KDM4A: variants seen among roughly 807,000 people sequenced by gnomAD.
The protein encoded by KDM4A is lysine demethylase 4A.
Under a neutral mutation model 127.1 loss-of-function variants are expected in KDM4A, and 23 were observed. The ratio of observed to expected loss-of-function variants is 0.18; its 90% CI spans 0.13 to 0.26. The LOEUF is 0.26. Ranked by LOEUF, KDM4A falls within the 10% of genes least tolerant of loss-of-function variation. KDM4A has a pLI of 1.00. For synonymous variants in KDM4A, 443 were observed against 466.5 expected, an observed-to-expected ratio of 0.95 and a Z score of 0.65; for missense variants, 890 against 1,329.1, an observed-to-expected ratio of 0.67 and a Z score of 5.14.
Position 43,693,904 on chromosome 1 carries a change from G to A in KDM4A, c.2376-90G>A, listed in dbSNP as rs554011616. 1.2e-5 allele frequency: 12 copies of A among 997,434 alleles called. No homozygotes were observed. The African/African-American group carries it at 1.6e-4, about 13-fold the overall frequency. The allele number at this position is 997,434 out of a possible 1,614,324, so 61.8% of individuals were successfully genotyped here. A position where few individuals can be genotyped will look rare whatever the true frequency, so the allele number is the denominator to read the frequency against. ...GGTGGAAGTCAGTGGTCACCCAGGT[G>A]AGGGAGGAAGCGCTGTCAGCAGGCC... On this transcript the variant is annotated intron_variant, in intron 16 of 21. Coordinates refer to ENST00000372396, the MANE Select transcript of KDM4A (RefSeq NM_014663.3). The surrounding 1 kb of genome is among the most constrained non-coding windows in gnomAD (Gnocchi z 4.2).
intron 5 of KDM4A, among the ~76,000 whole-genome samples, chr1:43,663,511 G>T (rs1213313786): frequency 6.6e-6 from 1 of 152,304 alleles, no homozygotes; most frequent in Non-Finnish European, 1.5e-5. Flanking sequence ...ACACATAAGG[G>T]ATTGCGAGGC....
chr1:43,703,645 C>T lies in KDM4A; in HGVS notation c.2870C>T (p.Pro957Leu). 1 of 1,614,094 alleles carries T rather than the reference C, an allele frequency of 6.2e-7. No homozygotes were observed. Among genetic ancestry groups the T allele is most frequent in the Non-Finnish European group, 8.5e-7 (1 of 1,179,986 alleles). The change falls in exon 20 of 22, where the codon CCT (proline) becomes CTT (leucine). Residue 957 changes from proline to leucine, a missense_variant. Physicochemically the swap from Pro to Leu is moderately conservative, Grantham distance 98. Coordinates refer to ENST00000372396, the MANE Select transcript of KDM4A (RefSeq NM_014663.3). ...VSQDCLQFGP[P>L]AEGEVVQVRW... The stretch of plus-strand genomic sequence containing the variant: ...CAGGACTGTCTCCAGTTTGGTCCTC[C>T]TGCTGAAGGGGAAGTGGTCCAAGTG...
chr1:43,665,544 A>G, intron 5 of KDM4A, 152 bp from the exon 6 acceptor site: 1 of 633,072 alleles, frequency 1.6e-6, no homozygotes, highest in Non-Finnish European at 2.9e-6. Flanking sequence ...GTGCCCAAAC[A>G]GTCTAATATT....
chr1:43,683,589 T>C, intron 11 of KDM4A, 95 bp from the exon 12 acceptor site: 1 of 1,407,360 alleles, frequency 7.1e-7, no homozygotes, highest in Non-Finnish European at 9.7e-7. Flanking sequence ...TGTTTCTCTG[T>C]GCCCCTCTCT....
At chr1:43,692,703 A>ACTC (rs776536985) in intron 16 of KDM4A, among the ~76,000 whole-genome samples, 12 of 152,222 alleles carry the variant, frequency 7.9e-5, no homozygotes, top group Non-Finnish European at 1.6e-4. Context: ...CACATGGCAA[A>ACTC]CTCCCTGGCT....
At position 43,694,159 on chromosome 1, in the gene KDM4A, G is replaced by C. The variant is rs1661186298; in HGVS notation, c.2484+57G>C. The C allele has an allele frequency of 5.1e-6, 7 of 1,380,762 alleles. 1 individual carries two copies. Among genetic ancestry groups the C allele is most frequent in the Middle Eastern group, 3.6e-4 (2 of 5,598 alleles). 85.5% of individuals were successfully genotyped at this position (1,380,762 alleles called of 1,614,324 possible). On this transcript the variant is annotated intron_variant, in intron 17 of 21. Transcript: ENST00000372396. This position sits in a 1 kb window ranked among gnomAD's most constrained non-coding sequence, Gnocchi z 5.2. ...GACTTACAAGTTTCTGGGTAGAAGA[G>C]AACAGGGACCTCCTGTACCCCTTGG... is the stretch of plus-strand genomic sequence containing the variant.
At chr1:43,700,378 C>T (rs566218759) in intron 19 of KDM4A, among the ~76,000 whole-genome samples, 12 of 152,120 alleles carry the variant, frequency 7.9e-5, no homozygotes, top group Admixed American at 4.6e-4. Flanking sequence ...CCGCCTACCT[C>T]GGCCTCCCAA....
Position 43,672,202 on chromosome 1 carries a change from T to C in KDM4A, c.1734+327T>C, listed in dbSNP as rs1047000255. On this transcript the variant is annotated intron_variant, in intron 11 of 21. Transcript: ENST00000372396. Reference sequence around the variant, plus strand: ...TTGGATCACAATGCCTTTTTTTTTTTTCTTGAGATAGAGTCTCTGCTCTGT... The same window carrying C: ...TTGGATCACAATGCCTTTTTTTTTTCTCTTGAGATAGAGTCTCTGCTCTGT... Among the ~76,000 whole-genome samples, 2 of 152,206 alleles carry C rather than the reference T, an allele frequency of 1.3e-5. 1 individual carries two copies. The highest frequency in any genetic ancestry group is 4.8e-5 in the African/African-American group (2 of 41,462).
At chr1:43,657,739 C>A (rs1482629914) in intron 3 of KDM4A, among the ~76,000 whole-genome samples, 1 of 145,574 alleles carries the variant, frequency 6.9e-6, no homozygotes, top group Non-Finnish European at 1.5e-5. Context: ...TTTGTTAAGG[C>A]TTTTTCTTTT....
rs747045651 is a variant in KDM4A, at chr1:43,669,175, G to C, written c.1239G>C (p.Glu413Asp). 1 of 1,614,240 alleles carries C rather than the reference G, an allele frequency of 6.2e-7. No homozygotes were observed. Among genetic ancestry groups the C allele is most frequent in the South Asian group, 1.1e-5 (1 of 91,090 alleles). ...TACCACAGGAGGTGAGTCAGAGTGA[G>C]CTCTTCCCCAAGGAGGATCTGAGTT... ...LEIPQEVSQSELFPKEDLSSE... is the reference protein window; with the variant it reads ...LEIPQEVSQSDLFPKEDLSSE... Residue 413 changes from glutamate (E) to aspartate (D), a missense_variant, in exon 10 of 22, where the codon GAG becomes GAC. This residue lies in a region of KDM4A where 389 missense variants were observed against 485.9 expected (regional missense o/e 0.80). Coordinates refer to ENST00000372396, the MANE Select transcript of KDM4A (RefSeq NM_014663.3).
In KDM4A at chr1:43,683,784, A is replaced by T. The variant is rs1197883207; in HGVS notation, c.1835A>T (p.Gln612Leu). ...CCCCGCCATCACCCACTTGTGCTGC[A>T]GGAGTGTGTCAGTGATGATGGTAAG... is the stretch of plus-strand genomic sequence containing the variant. ...KLPRHHPLVL[Q>L]ECVSDDETSE... Residue 612 changes from glutamine (Q) to leucine (L), a missense_variant, in exon 12 of 22, where the codon CAG becomes CTG. This residue lies in a region of KDM4A where 389 missense variants were observed against 485.9 expected (regional missense o/e 0.80). Coordinates refer to ENST00000372396, the MANE Select transcript of KDM4A (RefSeq NM_014663.3). 1.2e-6 allele frequency: 2 copies of T among 1,614,012 alleles called. No homozygotes were observed. The highest frequency in any genetic ancestry group is 1.3e-5 in the African/African-American group (1 of 74,936).
At chr1:43,670,333 C>T (rs1557909153) in intron 10 of KDM4A, among the ~76,000 whole-genome samples, 1 of 152,160 alleles carries the variant, frequency 6.6e-6, no homozygotes, top group Non-Finnish European at 1.5e-5. Context: ...TTTTCTTTCC[C>T]TTTTTTCTCT....
intron 5 of KDM4A, among the ~76,000 whole-genome samples, chr1:43,665,007 A>C (rs1660468583): frequency 6.6e-6 from 1 of 152,224 alleles, no homozygotes; most frequent in Non-Finnish European, 1.5e-5. Context: ...GAAGAGATTA[A>C]AAAGGTTAAA....
chr1:43,683,815 T>C lies in KDM4A; in HGVS notation c.1855+11T>C. The C allele has an allele frequency of 6.2e-7, 1 of 1,613,146 alleles. No individual in the cohort carries two copies. The highest frequency in any genetic ancestry group is 8.5e-7 in the Non-Finnish European group (1 of 1,179,698). ...GTGTCAGTGATGATGGTAAGTGTTG[T>C]TTTTTCTTCACCAGGAGGAAAGCAG... On this transcript the variant is annotated intron_variant, in intron 12 of 21. Transcript: ENST00000372396.
chr1:43,689,314 G>T (rs1296682891), intron 13 of KDM4A, among the ~76,000 whole-genome samples: 2 of 152,222 alleles, frequency 1.3e-5, no homozygotes, highest in Non-Finnish European at 2.9e-5. Context: ...CTGAGGGTGG[G>T]CTTAGGCTCC....
rs1660533710 is a variant in KDM4A at position 43,667,900 on chromosome 1, A to C, written c.1044A>C (p.Pro348=). ...TTATTGACCATACTCTGCCCACGCCAGAAGCAGCTGAGTTTCTTAAGGAGA... is the reference window on the plus strand; with the variant it reads ...TTATTGACCATACTCTGCCCACGCCCGAAGCAGCTGAGTTTCTTAAGGAGA... ...NTVIDHTLPT[P]EAAEFLKESE... is the part of the protein sequence containing the mutation. Residue 348 remains proline, a synonymous_variant, in exon 9 of 22, where the codon CCA becomes CCC. Coordinates refer to ENST00000372396, the MANE Select transcript of KDM4A (RefSeq NM_014663.3). 1 of 1,614,106 alleles carries C rather than the reference A, an allele frequency of 6.2e-7. No homozygotes were observed. Among genetic ancestry groups the C allele is most frequent in the African/African-American group, 1.3e-5 (1 of 74,938 alleles).
intron 19 of KDM4A, among the ~76,000 whole-genome samples, chr1:43,699,466 C>G (rs934992430): frequency 2.6e-5 from 4 of 152,046 alleles, no homozygotes; most frequent in South Asian, 4.2e-4. Context: ...TCAAGTATCT[C>G]TTTATCTTCT....
intron 19 of KDM4A, chr1:43,700,158 A>C (rs2154049290): frequency 6.6e-6 from 1 of 151,628 alleles, no homozygotes; most frequent in South Asian, 2.1e-4. Flanking sequence ...ATAGGGTTTC[A>C]CTCCAGTCAC....
intron 9 of KDM4A, among the ~76,000 whole-genome samples, chr1:43,668,323 C>T (rs1660545673): frequency 6.6e-6 from 1 of 151,966 alleles, no homozygotes; most frequent in Admixed American, 6.6e-5. Context: ...GACAGGGTTT[C>T]ACTGTGTTAG....
Sources: allele counts gnomAD v4.1 joint callset (sites outside exome capture counted in the v4.1 genomes callset), GRCh38; gene constraint gnomAD v4.1.1; regional missense constraint gnomAD v4.1.1; non-coding constraint Gnocchi (gnomAD v3.1); transcripts MANE v1.5; gene names NCBI Gene and HGNC (gene_info 2026-07-23, HGNC 2026-07-21).